The following SLC6A9 variants were observed in gnomAD, a reference collection of about 807,000 sequenced individuals.
SLC6A9 encodes solute carrier family 6 member 9.
A neutral mutation model predicts 70.9 loss-of-function variants in SLC6A9; 31 were observed. The ratio of observed to expected loss-of-function variants is 0.44; its 90% CI spans 0.33 to 0.59. SLC6A9 has a LOEUF of 0.59. SLC6A9 is among the 20% of genes least tolerant of loss of function. The probability of loss-of-function intolerance (pLI) is 0.04; values close to 1 mark genes in which losing one functional copy is unlikely to be tolerated. For synonymous variants in SLC6A9, 310 were observed against 341.3 expected (o/e 0.91, Z 1.01); for missense variants, 631 against 845.2 (o/e 0.75, Z 3.14).
At chr1:44,019,853 C>T (rs983574456) in intron 2 of SLC6A9, among the ~76,000 whole-genome samples, 1 of 151,928 alleles carries the variant, frequency 6.6e-6, no homozygotes, top group Non-Finnish European at 1.5e-5. Flanking sequence ...GGGAAGGTCC[C>T]GCTGAGCTGG....
chr1:44,010,634 G>A, intron 3 of SLC6A9, 92 bp downstream of exon 3: 2 of 1,294,868 alleles, frequency 1.5e-6, no homozygotes, highest in South Asian at 1.3e-5. Context: ...GCCTTTATCT[G>A]GAGTGGGTCT....
intron 12 of SLC6A9, among the ~76,000 whole-genome samples, chr1:43,998,349 G>A (rs566677232): frequency 6.6e-6 from 1 of 152,282 alleles, no homozygotes; most frequent in East Asian, 1.9e-4. Context: ...CTGAAGTAAG[G>A]CCACATCCTG....
At chr1:44,014,795 T>C (rs2086685856) in intron 2 of SLC6A9, 1 of 152,064 alleles carries the variant, frequency 6.6e-6, no homozygotes, top group African/African-American at 2.4e-5. Context: ...GCTCCTCCAG[T>C]AGAGCCCTGG....
At chr1:44,017,453 G>T (rs553438369) in intron 2 of SLC6A9, 2 of 884,004 alleles carry the variant, frequency 2.3e-6, no homozygotes, top group South Asian at 4.3e-5. Flanking sequence ...TCCCCCCACG[G>T]AGCTGACCAG....
rs2085904488 is a variant in SLC6A9 at position 43,997,473 on chromosome 1, T to C, written c.*72A>G. On this transcript the variant is annotated 3_prime_UTR_variant, in exon 14 of 14. Coordinates refer to ENST00000372310, the MANE Select transcript of SLC6A9 (RefSeq NM_001024845.3). This position sits in a 1 kb window ranked among gnomAD's most constrained non-coding sequence, Gnocchi z 4.4. ...GTGGCAGGGGGCAGGCAGAGACACCTGGCCTCTGCCTCACCAGTCTCTGCG... is the reference window on the plus strand; with the variant it reads ...GTGGCAGGGGGCAGGCAGAGACACCCGGCCTCTGCCTCACCAGTCTCTGCG... 1.4e-6 allele frequency: 2 copies of C among 1,385,460 alleles called. No homozygotes were observed. The highest frequency in any genetic ancestry group is 2.0e-6 in the Non-Finnish European group (2 of 985,932). 85.8% of individuals were successfully genotyped at this position (1,385,460 alleles called of 1,614,324 possible).
chr1:44,019,196 C>A (rs1321456067), intron 2 of SLC6A9, among the ~76,000 whole-genome samples: 3 of 152,192 alleles, frequency 2.0e-5, no homozygotes, highest in African/African-American at 7.2e-5. Context: ...CCTGGCTCAG[C>A]ATACATGGGA....
At chr1:44,011,762 G>C in intron 2 of SLC6A9, 18 of 1,598,782 alleles carry the variant, frequency 1.1e-5, no homozygotes, top group Non-Finnish European at 1.5e-5. Context: ...AGGCAGATGC[G>C]GGGATTTGCC....
chr1:44,010,814 C>T lies in SLC6A9; in HGVS notation c.99G>A (p.Gln33=), dbSNP rs143373456. The change falls in exon 3 of 14, where the codon CAG becomes CAA. Residue 33 remains glutamine, a synonymous_variant. Transcript: ENST00000372310. The stretch of plus-strand genomic sequence containing the variant: ...CCACGCTCGTCAGTACAAACTCGAT[C>T]TGGTTGCCCCAGTTGCCCCGTTTGA... ...QNLKRGNWGN[Q]IEFVLTSVGY... The T allele has an allele frequency of 1.3e-5, 21 of 1,614,234 alleles. No homozygotes were observed. The East Asian group carries it at 4.7e-4, about 36-fold the overall frequency.
rs1156758875 is a variant in SLC6A9, at chr1:44,001,010, A to C, written c.1381T>G (p.Phe461Val). 6 of 1,581,942 alleles carry C rather than the reference A, an allele frequency of 3.8e-6. No homozygotes were observed. The highest frequency in any genetic ancestry group is 2.7e-5 in the African/African-American group (2 of 74,212). ...LLLMDNYAASFSLVVISCIMC... is the reference protein window; with the variant it reads ...LLLMDNYAASVSLVVISCIMC... ...ATGCAGGAGATGACCACCAAGGAGA[A>C]GCTGGCCGCATAGTTGTCCATCAGC... The change falls in exon 11 of 14, where the codon TTC (phenylalanine) becomes GTC (valine). Residue 461 changes from phenylalanine to valine, a missense_variant. By Grantham distance (50) the Phe-to-Val change is conservative. Coordinates refer to ENST00000372310, the MANE Select transcript of SLC6A9 (RefSeq NM_001024845.3).
Position 44,009,992 on chromosome 1 carries a change from C to G in SLC6A9, c.292G>C (p.Val98Leu). Residue 98 changes from valine to leucine, a missense_variant, in exon 4 of 14, where the codon GTC becomes CTC. Val to Leu is a conservative substitution (Grantham distance 32). Transcript: ENST00000372310. ...GQFASQGCLG[V>L]WRISPMFKGV... ...TTGAACATGGGGCTGATCCTCCAGACCCCCAGGCACCCCTGGCTTGCAAAC... is the reference window on the plus strand; with the variant it reads ...TTGAACATGGGGCTGATCCTCCAGAGCCCCAGGCACCCCTGGCTTGCAAAC... 6.2e-7 allele frequency: 1 copy of G among 1,614,040 alleles called. No individual in the cohort carries two copies. Among genetic ancestry groups the G allele is most frequent in the Non-Finnish European group, 8.5e-7 (1 of 1,179,924 alleles).
Position 44,009,861 on chromosome 1 carries a change from C to G in SLC6A9, c.319+104G>C, listed in dbSNP as rs939120783. On this transcript the variant is annotated intron_variant, in intron 4 of 13. Coordinates refer to ENST00000372310, the MANE Select transcript of SLC6A9 (RefSeq NM_001024845.3). ...GGGGCTTGGGGTCAGCATCAGGGCTCTACAGAGGTCAGCCATGTTTGTACA... is the reference window on the plus strand; with the variant it reads ...GGGGCTTGGGGTCAGCATCAGGGCTGTACAGAGGTCAGCCATGTTTGTACA... 6.5e-6 allele frequency: 9 copies of G among 1,376,812 alleles called. No individual in the cohort carries two copies. The African/African-American group carries it at 1.2e-4, about 18-fold the overall frequency. The allele number at this position is 1,376,812 out of a possible 1,614,324, so 85.3% of individuals were successfully genotyped here. A position where few individuals can be genotyped will look rare whatever the true frequency, so the allele number is the denominator to read the frequency against.
chr1:44,005,967 C>T (rs1473130150), intron 5 of SLC6A9, among the ~76,000 whole-genome samples: 1 of 152,200 alleles, frequency 6.6e-6, no homozygotes, highest in Admixed American at 6.5e-5. Context: ...AGGCTCTTCC[C>T]CTCTGATTTT....
intron 2 of SLC6A9, among the ~76,000 whole-genome samples, chr1:44,021,415 G>A (rs1194533820): frequency 6.6e-6 from 1 of 152,202 alleles, no homozygotes; most frequent in Non-Finnish European, 1.5e-5. Flanking sequence ...GCACGTGCTG[G>A]TAAGCTGCTT....
chr1:44,015,121 G>A (rs1333585310), intron 2 of SLC6A9, among the ~76,000 whole-genome samples: 1 of 152,040 alleles, frequency 6.6e-6, no homozygotes, highest in Non-Finnish European at 1.5e-5. Context: ...AGCATAATAA[G>A]CTATCACACA....
rs181732476 is a variant in SLC6A9 at position 44,009,312 on chromosome 1, C to T, written c.319+653G>A. On this transcript the variant is annotated intron_variant, in intron 4 of 13. Transcript: ENST00000372310. Reference sequence around the variant, plus strand: ...TTGGCTCACTACAAGCTCTGCCTCCCGGGTTCACGCCATTCTCCCGCCTCA... The same window carrying T: ...TTGGCTCACTACAAGCTCTGCCTCCTGGGTTCACGCCATTCTCCCGCCTCA... Among the ~76,000 whole-genome samples, 374 of 151,786 alleles carry T rather than the reference C, an allele frequency of 2.5e-3. 2 individuals carry two copies. Among genetic ancestry groups the T allele is most frequent in the African/African-American group, 8.8e-3 (364 of 41,368 alleles).
chr1:44,010,469 G>GGGGGGGGGGGGC (rs2086518126), intron 3 of SLC6A9: 1 of 254,144 alleles, frequency 3.9e-6, no homozygotes, highest in African/African-American at 2.5e-5. Flanking sequence ...GGGGGGGGGG[G>GGGGGGGGGGGGC]GGTTAGGTCC....
intron 1 of SLC6A9, among the ~76,000 whole-genome samples, chr1:44,028,508 C>T (rs2087024795): frequency 1.3e-5 from 2 of 152,206 alleles, no homozygotes; most frequent in South Asian, 4.1e-4. Context: ...GTAATCCCAG[C>T]ACTTTGGGAG....
At chr1:44,015,729 A>T (rs1382289199) in intron 2 of SLC6A9, 2 of 474,900 alleles carry the variant, frequency 4.2e-6, no homozygotes, top group Non-Finnish European at 5.5e-6. Flanking sequence ...CCCTGCAATG[A>T]CAGAATCTTC....
rs202156666 is a variant in SLC6A9 at position 43,997,603 on chromosome 1, G to C, written c.1844C>G (p.Ala615Gly). 1.2e-5 allele frequency: 20 copies of C among 1,613,942 alleles called. No homozygotes were observed. The highest frequency in any genetic ancestry group is 1.7e-5 in the Non-Finnish European group (20 of 1,179,996). The change falls in exon 14 of 14, where the codon GCG becomes GGG. Residue 615 changes from alanine (A) to glycine (G), a missense_variant. By Grantham distance (60) the Ala-to-Gly change is moderately conservative. Transcript: ENST00000372310. This position sits in a 1 kb window ranked among gnomAD's most constrained non-coding sequence, Gnocchi z 4.4. The stretch of plus-strand genomic sequence containing the variant: ...ATTACTGCCCACAATGGGGATCTGC[G>C]CCTTGTCCGGGTGCAGTGGCTGGAC... ...FEVQPLHPDK[A>G]QIPIVGSNGS... is the part of the protein sequence containing the mutation.
Sources: allele counts gnomAD v4.1 joint callset (sites outside exome capture counted in the v4.1 genomes callset), GRCh38; gene constraint gnomAD v4.1.1; non-coding constraint Gnocchi (gnomAD v3.1); transcripts MANE v1.5; gene names NCBI Gene and HGNC (gene_info 2026-07-23, HGNC 2026-07-21).